Variants in FAF1 observed in about 807,000 individuals in gnomAD.
FAF1 encodes FAS-associated factor 1.
A neutral mutation model predicts 92.5 loss-of-function variants in FAF1; 25 were observed. The ratio of observed to expected loss-of-function variants is 0.27; its 90% CI spans 0.20 to 0.38. FAF1 has a LOEUF of 0.38. Among genes scored for constraint, FAF1 ranks in the 10% least tolerant of loss-of-function variants. FAF1 has a pLI of 1.00. For missense variants in FAF1, 636 were observed against 793.3 expected, an observed-to-expected ratio of 0.80 and a Z score of 2.38; for synonymous variants, 234 against 273.2, an observed-to-expected ratio of 0.86 and a Z score of 1.42.
At chr1:50,951,292 T>C (rs1645212311) in intron 1 of FAF1, among the ~76,000 whole-genome samples, 1 of 152,226 alleles carries the variant, frequency 6.6e-6, no homozygotes. Flanking sequence ...ACAAGTCATT[T>C]CTCTTTTCTG....
chr1:50,476,338 G>A (rs190619247), intron 17 of FAF1, among the ~76,000 whole-genome samples: 4 of 152,338 alleles, frequency 2.6e-5, no homozygotes, highest in African/African-American at 4.8e-5. Context: ...TTGGCAGAAG[G>A]AGACCACAGT....
chr1:50,791,766 C>T (rs1354554409), intron 3 of FAF1, among the ~76,000 whole-genome samples: 5 of 152,184 alleles, frequency 3.3e-5, no homozygotes, highest in Non-Finnish European at 7.3e-5. Flanking sequence ...ATCCATGTTA[C>T]CACTTTTTGC....
chr1:50,813,504 A>G (rs1336726609), intron 2 of FAF1, among the ~76,000 whole-genome samples: 1 of 152,044 alleles, frequency 6.6e-6, no homozygotes, highest in East Asian at 1.9e-4. Flanking sequence ...TCTGTTGCCC[A>G]TGTTGGAGTG....
chr1:50,585,560 ATAAAAC>A (rs1651186772), intron 9 of FAF1, among the ~76,000 whole-genome samples: 1 of 152,214 alleles, frequency 6.6e-6, no homozygotes, highest in African/African-American at 2.4e-5. Context: ...ATACTGAGAT[ATAAAAC>A]TTTTGGACTG....
At chr1:50,673,030 G>A (rs189388625) in intron 7 of FAF1, among the ~76,000 whole-genome samples, 2 of 152,236 alleles carry the variant, frequency 1.3e-5, no homozygotes, top group African/African-American at 2.4e-5. Context: ...GGCTGAAGCA[G>A]GTGGATTACC....
At chr1:50,542,308 A>G (rs1272947073) in intron 13 of FAF1, among the ~76,000 whole-genome samples, 2 of 152,224 alleles carry the variant, frequency 1.3e-5, no homozygotes, top group Non-Finnish European at 2.9e-5. Flanking sequence ...TCATTCCATT[A>G]TAATTAACAA....
intron 9 of FAF1, among the ~76,000 whole-genome samples, chr1:50,591,529 C>T (rs112793586): frequency 0.014 from 2,092 of 152,100 alleles, 46 homozygotes; most frequent in African/African-American, 0.046. Flanking sequence ...AAAATTTCAC[C>T]GGGCATGGTG....
At chr1:50,761,797 C>T (rs1196403370) in intron 4 of FAF1, among the ~76,000 whole-genome samples, 2 of 152,106 alleles carry the variant, frequency 1.3e-5, no homozygotes, top group Non-Finnish European at 2.9e-5. Flanking sequence ...GATGCCCTCT[C>T]TCACCGCTCC....
At chr1:50,772,101 AT>A (rs1341112534) in intron 4 of FAF1, among the ~76,000 whole-genome samples, 1 of 152,124 alleles carries the variant, frequency 6.6e-6, no homozygotes, top group Non-Finnish European at 1.5e-5. Flanking sequence ...TGCAAGAAAC[AT>A]TTTTTTCTCA....
chr1:50,746,070 A>G (rs1333886281), intron 4 of FAF1, among the ~76,000 whole-genome samples: 1 of 151,500 alleles, frequency 6.6e-6, no homozygotes, highest in Non-Finnish European at 1.5e-5. Flanking sequence ...TGTGTTAGCA[A>G]AGAACCTGGT....
chr1:50,770,195 G>A lies in FAF1; in HGVS notation c.367+17805C>T, dbSNP rs1660727482. Among the ~76,000 whole-genome samples the A allele has an allele frequency of 2.0e-5, 3 of 152,254 alleles. No individual in the cohort carries two copies. The South Asian group carries it at 6.2e-4, about 32-fold the overall frequency. On this transcript the variant is annotated intron_variant, in intron 4 of 18. Transcript: ENST00000396153. ...AGCATTCCCCTTGAAACCAGAACAA[G>A]AAAAGGATGCCCTCTCTCACCACTC...
intron 8 of FAF1, among the ~76,000 whole-genome samples, chr1:50,604,308 C>T (rs1370140759): frequency 6.6e-6 from 1 of 152,150 alleles, no homozygotes; most frequent in African/African-American, 2.4e-5. Flanking sequence ...TTCTCTTAAA[C>T]TTCTATCAGT....
chr1:50,763,558 T>C (rs1345730188), intron 4 of FAF1, among the ~76,000 whole-genome samples: 1 of 152,174 alleles, frequency 6.6e-6, no homozygotes, highest in African/African-American at 2.4e-5. Context: ...TACCATTTTA[T>C]ATTTGCCTAG....
At chr1:50,786,975 A>G (rs2124571422) in intron 4 of FAF1, among the ~76,000 whole-genome samples, 1 of 152,386 alleles carries the variant, frequency 6.6e-6, no homozygotes, top group East Asian at 1.9e-4. Flanking sequence ...TTAATGAAAT[A>G]AAATTCTACA....
intron 18 of FAF1, among the ~76,000 whole-genome samples, chr1:50,447,588 G>GA (rs1436609619): frequency 6.6e-6 from 1 of 152,168 alleles, no homozygotes; most frequent in African/African-American, 2.4e-5. Flanking sequence ...ACTGTGAGTT[G>GA]AAGGGACCCT....
intron 9 of FAF1, among the ~76,000 whole-genome samples, chr1:50,586,801 G>GT (rs1434076635): frequency 1.3e-5 from 2 of 152,170 alleles, no homozygotes; most frequent in Admixed American, 6.5e-5. Flanking sequence ...TTCCCGCTGT[G>GT]TTTCAGGTAG....
At chr1:50,742,332 A>G (rs1266647954) in intron 5 of FAF1, among the ~76,000 whole-genome samples, 14 of 146,866 alleles carry the variant, frequency 9.5e-5, no homozygotes, top group Admixed American at 9.5e-4. Flanking sequence ...AAAAAAGAAG[A>G]AGAAAGAAGT....
At chr1:50,613,550 A>C (rs1652772392) in intron 8 of FAF1, among the ~76,000 whole-genome samples, 1 of 152,178 alleles carries the variant, frequency 6.6e-6, no homozygotes, top group Non-Finnish European at 1.5e-5. Context: ...ATTGCTCTTA[A>C]ATTTATGAGG....
intron 8 of FAF1, among the ~76,000 whole-genome samples, chr1:50,652,532 T>G (rs531122966): frequency 6.6e-6 from 1 of 152,326 alleles, no homozygotes; most frequent in East Asian, 1.9e-4. Flanking sequence ...AAGCCCCACA[T>G]TTCCAGAGTT....
Sources: gnomAD v4.1 joint callset for allele counts (sites outside exome capture counted in the v4.1 genomes callset) on GRCh38, gnomAD v4.1.1 for gene constraint, MANE v1.5 for transcripts, NCBI Gene and HGNC (gene_info 2026-07-23, HGNC 2026-07-21) for gene names.